Variants in PGD observed in about 807,000 individuals in gnomAD.
The protein encoded by PGD is phosphogluconate dehydrogenase.
Under a neutral mutation model 60.4 loss-of-function variants are expected in PGD, and 21 were observed. The observed-to-expected ratio is 0.35, with a 90% CI of 0.25 to 0.50. The LOEUF is 0.50. PGD is among the 20% of genes least tolerant of loss of function. The pLI is 0.98. For missense variants in PGD, 477 were observed against 613.1 expected (o/e 0.78, Z 2.34); for synonymous variants, 230 against 235.9 (o/e 0.97, Z 0.23).
At chr1:10,405,401 T>TACACACACACACACACACACAC (rs57033638) in intron 5 of PGD, among the ~76,000 whole-genome samples, 51 of 108,500 alleles carry the variant, frequency 4.7e-4, no homozygotes, top group African/African-American at 1.4e-3. Context: ...AAACAAAAAA[T>TACACACACACACACACACACAC]ACACACACAC....
intron 6 of PGD, 118 bp downstream of exon 6, chr1:10,408,258 C>T (rs954367335): frequency 2.3e-5 from 16 of 706,612 alleles, no homozygotes; most frequent in Admixed American, 1.2e-4. Flanking sequence ...ATAAACGTCT[C>T]GATCTTTGAT....
chr1:10,419,908 T>C lies in PGD; in HGVS notation c.*159T>C. 1 of 841,524 alleles carries C rather than the reference T, an allele frequency of 1.2e-6. No individual in the cohort carries two copies. The highest frequency in any genetic ancestry group is 1.6e-5 in the South Asian group (1 of 60,990). The allele number at this position is 841,524 out of a possible 1,614,324, so 52.1% of individuals were successfully genotyped here. On this transcript the variant is annotated 3_prime_UTR_variant, in exon 13 of 13. Coordinates refer to ENST00000270776, the MANE Select transcript of PGD (RefSeq NM_002631.4). Reference sequence around the variant, plus strand: ...ACACACAGTTTATTTGTAAAGTAGCTCTGTGAGAGCCACCATGCCCTCTGC... The same window carrying C: ...ACACACAGTTTATTTGTAAAGTAGCCCTGTGAGAGCCACCATGCCCTCTGC...
chr1:10,409,695 G>A (rs867125428), intron 6 of PGD, among the ~76,000 whole-genome samples: 16 of 97,324 alleles, frequency 1.6e-4, no homozygotes, highest in Middle Eastern at 0.013. Flanking sequence ...TTGCTTTATC[G>A]TCCAGGCTGG....
At chr1:10,399,355 G>C in intron 1 of PGD, 2 of 543,476 alleles carry the variant, frequency 3.7e-6, no homozygotes, top group Non-Finnish European at 3.1e-6. Flanking sequence ...GGGTCCCTTC[G>C]AGGGCCAGGG....
At chr1:10,400,318 G>A (rs1639293466) in intron 2 of PGD, 75 bp from the exon 3 acceptor site, 4 of 1,142,364 alleles carry the variant, frequency 3.5e-6, no homozygotes, top group African/African-American at 1.5e-5. Flanking sequence ...GAATGGAAAG[G>A]TCATTGTTAC....
At chr1:10,404,579 A>AC (rs976780226) in intron 5 of PGD, among the ~76,000 whole-genome samples, 9 of 144,514 alleles carry the variant, frequency 6.2e-5, no homozygotes, top group East Asian at 2.0e-4. Context: ...AGCTCACTGC[A>AC]CCCCCCGTCT....
chr1:10,401,744 G>C (rs1249724128), intron 3 of PGD, among the ~76,000 whole-genome samples: 1 of 152,100 alleles, frequency 6.6e-6, no homozygotes, highest in South Asian at 2.1e-4. Context: ...GGCTGGGCGC[G>C]GTGGCTCACG....
intron 10 of PGD, among the ~76,000 whole-genome samples, chr1:10,418,153 G>A (rs556732893): frequency 1.1e-4 from 16 of 152,288 alleles, no homozygotes; most frequent in Admixed American, 4.6e-4. Context: ...TACACATGAC[G>A]TTACATCGTT....
At position 10,417,431 on chromosome 1, in the gene PGD, A is replaced by G; in HGVS notation, c.1031A>G (p.Gln344Arg). The G allele has an allele frequency of 2.5e-6, 4 of 1,613,912 alleles. No homozygotes were observed. The highest frequency in any genetic ancestry group is 1.7e-4 in the Middle Eastern group (1 of 6,042). ...GCTCAAGGCTTTATGCTGCTAAGGC[A>G]GGCAGCCACCGAGTTTGGCTGGACT... ...SYAQGFMLLRQAATEFGWTLN... is the reference protein window; with the variant it reads ...SYAQGFMLLRRAATEFGWTLN... Residue 344 changes from glutamine (Q) to arginine (R), a missense_variant, in exon 10 of 13, where the codon CAG becomes CGG. Gln to Arg is a conservative substitution (Grantham distance 43). Around this residue, in one of 3 missense-constraint regions of PGD, gnomAD observed 431 missense variants for 556.6 expected, o/e 0.77. Coordinates refer to ENST00000270776, the MANE Select transcript of PGD (RefSeq NM_002631.4).
At chr1:10,415,472 C>T (rs1424583427) in intron 8 of PGD, 1 of 152,216 alleles carries the variant, frequency 6.6e-6, no homozygotes, top group Admixed American at 6.5e-5. Flanking sequence ...GGGCCCACCC[C>T]CTGCTGGGAG....
rs894054365 is a variant in PGD at position 10,419,882 on chromosome 1, G to GAC, written c.*139_*140dup. ...AGTGTTGTAAGAGACTCCTGAGGAAGACACACAGTTTATTTGTAAAGTAGC... is the reference window on the plus strand; with the variant it reads ...AGTGTTGTAAGAGACTCCTGAGGAAGACACACACAGTTTATTTGTAAAGTAGC... On this transcript the variant is annotated 3_prime_UTR_variant, in exon 13 of 13. Transcript: ENST00000270776. 5 of 1,070,170 alleles carry GAC rather than the reference G, an allele frequency of 4.7e-6. No homozygotes were observed. Among genetic ancestry groups the GAC allele is most frequent in the Non-Finnish European group, 6.8e-6 (5 of 731,098 alleles). The allele number at this position is 1,070,170 out of a possible 1,614,324, so 66.3% of individuals were successfully genotyped here. A position where few individuals can be genotyped will look rare whatever the true frequency, so the allele number is the denominator to read the frequency against.
intron 5 of PGD, among the ~76,000 whole-genome samples, chr1:10,406,650 C>T (rs1639410609): frequency 6.6e-6 from 1 of 152,116 alleles, no homozygotes; most frequent in Non-Finnish European, 1.5e-5. Flanking sequence ...ACTTTGCAAC[C>T]CTGTAAGATT....
chr1:10,401,845 C>T (rs571385085), intron 3 of PGD, among the ~76,000 whole-genome samples: 1 of 152,144 alleles, frequency 6.6e-6, no homozygotes, highest in South Asian at 2.1e-4. Flanking sequence ...GAAACCCCAT[C>T]TCTACTAAAA....
intron 3 of PGD, among the ~76,000 whole-genome samples, 160 bp from the exon 4 acceptor site, chr1:10,402,911 A>G (rs1438268198): frequency 6.6e-6 from 1 of 152,170 alleles, no homozygotes; most frequent in Non-Finnish European, 1.5e-5. Context: ...GCAGGAGTTC[A>G]GGGTTTCAGT....
At chr1:10,404,348 A>C (rs909943899) in intron 5 of PGD, 69 bp downstream of exon 5, 3 of 962,624 alleles carry the variant, frequency 3.1e-6, no homozygotes, top group Non-Finnish European at 4.7e-6. Context: ...ATAAGCCAGG[A>C]GCAGTTCTGC....
intron 10 of PGD, among the ~76,000 whole-genome samples, chr1:10,417,820 C>T (rs1446729624): frequency 3.3e-5 from 5 of 152,180 alleles, no homozygotes; most frequent in African/African-American, 1.2e-4. Flanking sequence ...AGTGATTCTC[C>T]TGCCTCAGCG....
chr1:10,414,257 C>G (rs1164412467), intron 8 of PGD, among the ~76,000 whole-genome samples: 4 of 152,106 alleles, frequency 2.6e-5, no homozygotes, highest in Non-Finnish European at 5.9e-5. Context: ...TGTTTTATAT[C>G]TTACATTAGT....
At chr1:10,400,620 T>G (rs1436125866) in intron 3 of PGD, 48 bp downstream of exon 3, 2 of 1,477,312 alleles carry the variant, frequency 1.4e-6, no homozygotes, top group Middle Eastern at 1.8e-4. Flanking sequence ...CAGCTGTTTT[T>G]GGTTTCTTCC....
Position 10,403,006 on chromosome 1 carries a change from T to C in PGD, c.265-65T>C, listed in dbSNP as rs1639340552. On this transcript the variant is annotated intron_variant, in intron 3 of 12. Transcript: ENST00000270776. ...TATGTTTATTTGGAATAAATTCTTG[T>C]TTGTTTTAATTTGCCAAGGTATGTT... is the stretch of plus-strand genomic sequence containing the variant. 5 of 1,025,254 alleles carry C rather than the reference T, an allele frequency of 4.9e-6. No homozygotes were observed. The South Asian group carries it at 5.1e-5, about 10-fold the overall frequency. 63.5% of individuals were successfully genotyped at this position (1,025,254 alleles called of 1,614,324 possible).
Sources: allele counts gnomAD v4.1 joint callset (sites outside exome capture counted in the v4.1 genomes callset), GRCh38; gene constraint gnomAD v4.1.1; regional missense constraint gnomAD v4.1.1; transcripts MANE v1.5; gene names NCBI Gene and HGNC (gene_info 2026-07-23, HGNC 2026-07-21).